Variants in ADGRD1 observed in about 807,000 individuals in gnomAD.
ADGRD1 encodes the protein G-protein coupled receptor 133.
ADGRD1 carries 77 observed loss-of-function variants against 113.4 expected under a neutral mutation model. That is an observed-to-expected ratio of 0.68 (90% CI 0.57 to 0.82). The LOEUF is 0.82. ADGRD1 is among the 40% of genes least tolerant of loss of function. ADGRD1 has a pLI of 0.00. For missense variants in ADGRD1, 1,036 were observed against 1,139.1 expected (o/e 0.91, Z 1.30); for synonymous variants, 474 against 475.0 (o/e 1.00, Z 0.03).
At position 131,027,480 on chromosome 12, in the gene ADGRD1, T is replaced by C. The variant is rs1402154022; in HGVS notation, c.1473+13140T>C. ...GTCATCCTGCTGGTGTGCGTCTGGC[T>C]TCGGGTTTGCATTCTCACAATGCTG... is the stretch of plus-strand genomic sequence containing the variant. On this transcript the variant is annotated intron_variant, in intron 13 of 24. Transcript: ENST00000261654. The surrounding 1 kb of genome is among the most constrained non-coding windows in gnomAD (Gnocchi z 5.1). 6.6e-6 allele frequency: 1 copy of C among 152,242 alleles called. No homozygotes were observed. Among genetic ancestry groups the C allele is most frequent in the East Asian group, 1.9e-4 (1 of 5,198 alleles). The allele number at this position is 152,242 out of a possible 1,614,324, so 9.4% of individuals were successfully genotyped here. A position where few individuals can be genotyped will look rare whatever the true frequency, so the allele number is the denominator to read the frequency against.
At chr12:131,087,478 C>T (rs969983065) in intron 15 of ADGRD1, among the ~76,000 whole-genome samples, 1 of 152,226 alleles carries the variant, frequency 6.6e-6, no homozygotes, top group African/African-American at 2.4e-5. Context: ...GGCCACGAAG[C>T]AAGTGGAACT....
chr12:131,006,157 G>A (rs369931270), intron 12 of ADGRD1, 110 bp downstream of exon 12: 12 of 957,322 alleles, frequency 1.3e-5, no homozygotes, highest in Admixed American at 1.1e-4. Context: ...CTCTGGACAC[G>A]AGTACCGGGC....
In ADGRD1 at chr12:130,971,732, G is replaced by A; in HGVS notation, c.310+152G>A. The A allele has an allele frequency of 5.3e-6, 4 of 749,658 alleles. No homozygotes were observed. The highest frequency in any genetic ancestry group is 8.0e-6 in the Non-Finnish European group (4 of 498,390). The allele number at this position is 749,658 out of a possible 1,614,324, so 46.4% of individuals were successfully genotyped here. A position where few individuals can be genotyped will look rare whatever the true frequency, so the allele number is the denominator to read the frequency against. On this transcript the variant is annotated intron_variant, in intron 4 of 24. Coordinates refer to ENST00000261654, the MANE Select transcript of ADGRD1 (RefSeq NM_198827.5). The surrounding 1 kb of genome is among the most constrained non-coding windows in gnomAD (Gnocchi z 4.2). ...GATGGATCGGAGGGCAGGGGAGGGA[G>A]GAATACAGGCAAGGAGGTTACTAAG...
rs573656334 is a variant in ADGRD1, at chr12:131,075,066, C to G, written c.1474-1735C>G. Among the ~76,000 whole-genome samples, 1 of 152,320 alleles carries G rather than the reference C, an allele frequency of 6.6e-6. No homozygotes were observed. Among genetic ancestry groups the G allele is most frequent in the South Asian group, 2.1e-4 (1 of 4,824 alleles). On this transcript the variant is annotated intron_variant, in intron 13 of 24. Coordinates refer to ENST00000261654, the MANE Select transcript of ADGRD1 (RefSeq NM_198827.5). The surrounding 1 kb of genome is among the most constrained non-coding windows in gnomAD (Gnocchi z 5.3). ...GGGGTGATGGGAAGAGGCGTCGCCT[C>G]ACTCCTGAGAAGCCTTGCCACGTGT...
chr12:131,009,800 G>A (rs1218046523), intron 12 of ADGRD1, among the ~76,000 whole-genome samples: 1 of 152,222 alleles, frequency 6.6e-6, no homozygotes, highest in Non-Finnish European at 1.5e-5. Flanking sequence ...ATGTGCGTGT[G>A]TGTGTGTACA....
chr12:131,041,167 C>T lies in ADGRD1; in HGVS notation c.1473+26827C>T, dbSNP rs547011178. On this transcript the variant is annotated intron_variant, in intron 13 of 24. Transcript: ENST00000261654. The surrounding 1 kb of genome is among the most constrained non-coding windows in gnomAD (Gnocchi z 4.4). ...AGGGTAGCAGGGACTTCACTGAGCA[C>T]AGAAAATCGGGGGTCTTGGTGCTGG... Among the ~76,000 whole-genome samples the T allele has an allele frequency of 8.3e-4, 127 of 152,290 alleles. 2 individuals are homozygous for T. The highest frequency in any genetic ancestry group is 1.2e-3 in the Admixed American group (19 of 15,298).
rs1870967085 is a variant in ADGRD1 at position 130,966,110 on chromosome 12, A to G, written c.104-353A>G. On this transcript the variant is annotated intron_variant, in intron 2 of 24. Transcript: ENST00000261654. The surrounding 1 kb of genome is among the most constrained non-coding windows in gnomAD (Gnocchi z 4.6). ...ATTGCATTGATATTAACTCTAAAAT[A>G]ATGGTAAATAACAGCGGGATATGGA... is the stretch of plus-strand genomic sequence containing the variant. Among the ~76,000 whole-genome samples, 1 of 152,208 alleles carries G rather than the reference A, an allele frequency of 6.6e-6. No homozygotes were observed. Among genetic ancestry groups the G allele is most frequent in the Non-Finnish European group, 1.5e-5 (1 of 68,050 alleles).
intron 20 of ADGRD1, among the ~76,000 whole-genome samples, chr12:131,129,215 TGCTGTCTGGGTGTGAGTGACAGGCCC>T: frequency 1.5e-4 from 19 of 125,192 alleles, no homozygotes; most frequent in South Asian, 3.0e-4. Flanking sequence ...AGCCCCGCCC[TGCTGTCTGGGTGTGAGTGACAGGCCC>T]GCCCTGCTGT....
At chr12:131,051,386 G>T (rs73166634) in intron 13 of ADGRD1, among the ~76,000 whole-genome samples, 1 of 152,280 alleles carries the variant, frequency 6.6e-6, no homozygotes, top group Non-Finnish European at 1.5e-5. Flanking sequence ...CAAAATTCCT[G>T]TTTAAACAAA....
chr12:131,022,000 G>T (rs1435023793), intron 13 of ADGRD1, among the ~76,000 whole-genome samples: 2 of 152,036 alleles, frequency 1.3e-5, no homozygotes, highest in Non-Finnish European at 2.9e-5. Flanking sequence ...CACCGCGCTC[G>T]GCCCTGATCT....
At chr12:131,006,091 G>T (rs764629215) in intron 12 of ADGRD1, 44 bp downstream of exon 12, 2 of 1,535,228 alleles carry the variant, frequency 1.3e-6, no homozygotes, top group Non-Finnish European at 9.0e-7. Flanking sequence ...GGTGTGCGTG[G>T]GTTTGCTGGG....
At chr12:131,107,495 G>A (rs966185211) in intron 17 of ADGRD1, among the ~76,000 whole-genome samples, 14 of 151,246 alleles carry the variant, frequency 9.3e-5, no homozygotes, top group African/African-American at 3.2e-4. Flanking sequence ...CCAGAGACCC[G>A]TGTCTGAATC....
intron 21 of ADGRD1, among the ~76,000 whole-genome samples, chr12:131,134,165 A>G (rs1042008857): frequency 1.3e-5 from 2 of 152,238 alleles, no homozygotes; most frequent in African/African-American, 4.8e-5. Flanking sequence ...TGAGACCCCC[A>G]CAGAAGTGCA....
At chr12:131,077,241 G>A (rs1292528254) in intron 14 of ADGRD1, among the ~76,000 whole-genome samples, 1 of 152,204 alleles carries the variant, frequency 6.6e-6, no homozygotes, top group African/African-American at 2.4e-5. Context: ...GCTGAGGAAG[G>A]GGGTTGGGGG....
At chr12:130,958,593 G>A (rs993008935) in intron 2 of ADGRD1, among the ~76,000 whole-genome samples, 8 of 152,186 alleles carry the variant, frequency 5.3e-5, no homozygotes, top group African/African-American at 1.9e-4. Flanking sequence ...TCTGTGTGAA[G>A]CAGAATCTAG....
In ADGRD1 at chr12:131,134,460, C is replaced by T. The variant is rs147433046; in HGVS notation, c.2268-1577C>T. ...AGTCAAACCATCACTTTAAAAGTAG[C>T]ACATTTTGGTACTTATTTCTCAGTG... On this transcript the variant is annotated intron_variant, in intron 21 of 24. Coordinates refer to ENST00000261654, the MANE Select transcript of ADGRD1 (RefSeq NM_198827.5). 3.9e-5 allele frequency among the ~76,000 whole-genome samples: 6 copies of T among 152,358 alleles called. No individual in the cohort carries two copies. In the East Asian group the frequency reaches 1.2e-3, roughly 29 times the overall value.
chr12:131,114,095 T>C (rs1950407981), intron 18 of ADGRD1, among the ~76,000 whole-genome samples: 1 of 152,108 alleles, frequency 6.6e-6, no homozygotes. Flanking sequence ...GAGAGCAATG[T>C]ATGTAGCGGG....
In ADGRD1 at chr12:131,003,650, G is replaced by C. The variant is rs7315869; in HGVS notation, c.1144+348G>C. 6.6e-6 allele frequency among the ~76,000 whole-genome samples: 1 copy of C among 152,186 alleles called. No homozygotes were observed. The highest frequency in any genetic ancestry group is 6.5e-5 in the Admixed American group (1 of 15,288). ...GGTTTCTGGCGTCAGCTTGCTCTCAGCTGGGCTCCAGGGTAATTGTCACAG... is the reference window on the plus strand; with the variant it reads ...GGTTTCTGGCGTCAGCTTGCTCTCACCTGGGCTCCAGGGTAATTGTCACAG... On this transcript the variant is annotated intron_variant, in intron 10 of 24. Coordinates refer to ENST00000261654, the MANE Select transcript of ADGRD1 (RefSeq NM_198827.5). This position sits in a 1 kb window ranked among gnomAD's most constrained non-coding sequence, Gnocchi z 4.8.
intron 15 of ADGRD1, among the ~76,000 whole-genome samples, chr12:131,095,666 C>G (rs1725824): frequency 0.9 from 137,541 of 152,264 alleles, 63,820 homozygotes; most frequent in East Asian, 1. Flanking sequence ...GGTCGCTTTG[C>G]GGGGCAGCTG....
Sources: allele counts gnomAD v4.1 joint callset (sites outside exome capture counted in the v4.1 genomes callset), GRCh38; gene constraint gnomAD v4.1.1; non-coding constraint Gnocchi (gnomAD v3.1); transcripts MANE v1.5; gene names NCBI Gene and HGNC (gene_info 2026-07-23, HGNC 2026-07-21).